Variants in PTPRD observed in about 807,000 individuals in gnomAD.
PTPRD encodes receptor-type tyrosine-protein phosphatase delta.
Under a neutral mutation model 214.5 loss-of-function variants are expected in PTPRD, and 34 were observed. The observed-to-expected ratio is 0.16, with a 90% CI of 0.12 to 0.21. The LOEUF (loss-of-function observed/expected upper bound fraction) is 0.21, where lower values mean the gene tolerates loss of function less well. PTPRD is among the 10% of genes least tolerant of loss of function. PTPRD has a pLI of 1.00. For missense variants in PTPRD, 2,545 were observed against 2,398.7 expected (o/e 1.06, Z -1.27); for synonymous variants, 1,128 against 845.7 (o/e 1.33, Z -5.79).
At chr9:8,901,591 G>A (rs1420765257) in intron 11 of PTPRD, among the ~76,000 whole-genome samples, 1 of 152,162 alleles carries the variant, frequency 6.6e-6, no homozygotes, top group Non-Finnish European at 1.5e-5. Flanking sequence ...CAGTAAAGTA[G>A]TGACAGAGCA....
chr9:9,587,223 A>G (rs1304278179), intron 7 of PTPRD, among the ~76,000 whole-genome samples: 1 of 152,002 alleles, frequency 6.6e-6, no homozygotes, highest in African/African-American at 2.4e-5. Context: ...AATAATAATT[A>G]TAATTGTTAA....
Position 9,365,593 on chromosome 9 carries a change from C to A in PTPRD, c.-203+31856G>T, listed in dbSNP as rs1044307110. Among the ~76,000 whole-genome samples the A allele has an allele frequency of 2.6e-5, 4 of 151,356 alleles. 1 individual carries two copies. The highest frequency in any genetic ancestry group is 1.3e-4 in the Admixed American group (2 of 15,114). On this transcript the variant is annotated intron_variant, in intron 9 of 45. Coordinates refer to ENST00000381196, the MANE Select transcript of PTPRD (RefSeq NM_002839.4). ...CAATACAACTAAATGGACAGCTGTT[C>A]ATACTGGTTTAAAATACATTATAAT... is the stretch of plus-strand genomic sequence containing the variant.
intron 2 of PTPRD, among the ~76,000 whole-genome samples, chr9:10,544,957 T>C (rs1319453106): frequency 2.0e-5 from 3 of 152,218 alleles, no homozygotes; most frequent in African/African-American, 7.2e-5. Flanking sequence ...TAAAATGTAA[T>C]TTTTTTCTGG....
intron 7 of PTPRD, among the ~76,000 whole-genome samples, chr9:9,582,315 C>T (rs988152887): frequency 6.6e-6 from 1 of 151,020 alleles, no homozygotes; most frequent in African/African-American, 2.4e-5. Context: ...TCCTCTTTGT[C>T]CCTCCGTCCC....
intron 22 of PTPRD, among the ~76,000 whole-genome samples, chr9:8,506,829 T>C (rs1274382981): frequency 6.6e-6 from 1 of 152,226 alleles, no homozygotes; most frequent in Non-Finnish European, 1.5e-5. Context: ...AAATACTTTT[T>C]AGCAAACAAA....
chr9:10,344,005 T>G (rs1245552289), intron 2 of PTPRD, among the ~76,000 whole-genome samples: 1 of 144,840 alleles, frequency 6.9e-6, no homozygotes, highest in African/African-American at 2.6e-5. Context: ...TTTTTTTTTT[T>G]TTGCTGTGCA....
At chr9:8,985,253 G>T (rs2099335098) in intron 11 of PTPRD, among the ~76,000 whole-genome samples, 1 of 151,990 alleles carries the variant, frequency 6.6e-6, no homozygotes, top group South Asian at 2.1e-4. Context: ...ATTTATAAAT[G>T]TTGTTGATAA....
intron 3 of PTPRD, among the ~76,000 whole-genome samples, chr9:10,320,920 G>T (rs946168724): frequency 6.6e-6 from 1 of 151,864 alleles, no homozygotes; most frequent in African/African-American, 2.4e-5. Flanking sequence ...TAGAAACAGG[G>T]TTTTTCCATG....
At chr9:10,607,328 T>C (rs1296320223) in intron 2 of PTPRD, among the ~76,000 whole-genome samples, 1 of 151,918 alleles carries the variant, frequency 6.6e-6, no homozygotes, top group African/African-American at 2.4e-5. Context: ...TAGAGAGCAA[T>C]TTGTTATGTT....
chr9:8,947,023 T>C (rs942413749), intron 11 of PTPRD, among the ~76,000 whole-genome samples: 9 of 120,576 alleles, frequency 7.5e-5, no homozygotes, highest in African/African-American at 3.0e-4. Flanking sequence ...TATTTTTTTT[T>C]CTTTTCTTTT....
chr9:9,202,360 C>T (rs966052242), intron 9 of PTPRD, among the ~76,000 whole-genome samples: 2 of 152,112 alleles, frequency 1.3e-5, no homozygotes, highest in African/African-American at 4.8e-5. Flanking sequence ...ATGTTTATGA[C>T]ATTTTAATTT....
intron 5 of PTPRD, among the ~76,000 whole-genome samples, chr9:9,828,153 A>G (rs528640500): frequency 5.3e-4 from 80 of 152,088 alleles, no homozygotes; most frequent in Non-Finnish European, 9.6e-4. Context: ...CCCATTACTG[A>G]GTATATACCC....
intron 2 of PTPRD, among the ~76,000 whole-genome samples, chr9:10,468,805 T>C (rs1050729754): frequency 6.6e-6 from 1 of 152,084 alleles, no homozygotes; most frequent in Admixed American, 6.6e-5. Context: ...AATGAATGGT[T>C]ACTAGGAAGG....
At chr9:8,968,201 G>T (rs2099211814) in intron 11 of PTPRD, among the ~76,000 whole-genome samples, 1 of 152,102 alleles carries the variant, frequency 6.6e-6, no homozygotes, top group Non-Finnish European at 1.5e-5. Context: ...TGTGAATAGT[G>T]CTGCAATAAA....
chr9:10,368,842 G>C (rs896066208), intron 2 of PTPRD, among the ~76,000 whole-genome samples: 1 of 152,020 alleles, frequency 6.6e-6, no homozygotes, highest in African/African-American at 2.4e-5. Context: ...ATTCATAGAA[G>C]GACCTTTCAT....
chr9:9,654,306 C>T (rs1226753210), intron 7 of PTPRD, among the ~76,000 whole-genome samples: 1 of 152,056 alleles, frequency 6.6e-6, no homozygotes, highest in African/African-American at 2.4e-5. Context: ...TAGTAACATA[C>T]TCTTCTTATA....
intron 9 of PTPRD, among the ~76,000 whole-genome samples, chr9:9,244,409 A>G (rs1470261258): frequency 6.6e-6 from 1 of 152,152 alleles, no homozygotes; most frequent in Non-Finnish European, 1.5e-5. Context: ...ACAGTAACCA[A>G]AACACCATGG....
intron 11 of PTPRD, among the ~76,000 whole-genome samples, chr9:8,883,012 C>A (rs2098459270): frequency 1.3e-5 from 2 of 151,852 alleles, no homozygotes; most frequent in South Asian, 4.2e-4. Context: ...CATTGCATAC[C>A]CACACATACT....
intron 5 of PTPRD, among the ~76,000 whole-genome samples, chr9:9,814,114 CTG>C (rs1404880257): frequency 1.3e-5 from 2 of 152,028 alleles, no homozygotes; most frequent in Non-Finnish European, 2.9e-5. Context: ...TGATAAAACT[CTG>C]AAGAATTTAG....
Sources: gnomAD v4.1 joint callset for allele counts (sites outside exome capture counted in the v4.1 genomes callset) on GRCh38, gnomAD v4.1.1 for gene constraint, MANE v1.5 for transcripts, NCBI Gene and HGNC (gene_info 2026-07-23, HGNC 2026-07-21) for gene names.